The following UBAC2 variants were observed in gnomAD, a reference collection of about 807,000 sequenced individuals.
UBAC2 encodes UBA domain containing 2.
UBAC2 carries 26 observed loss-of-function variants against 44.0 expected under a neutral mutation model. That is an observed-to-expected ratio of 0.59 (90% confidence interval 0.43 to 0.82). The LOEUF (loss-of-function observed/expected upper bound fraction) is 0.82. Among genes scored for constraint, UBAC2 ranks in the 40% least tolerant of loss-of-function variants. The pLI, the probability that UBAC2 is intolerant of heterozygous loss-of-function variation, is 0.00. For synonymous variants in UBAC2, 155 were observed against 154.3 expected, an observed-to-expected ratio of 1.00 and a Z score of -0.04; for missense variants, 329 against 419.4, an observed-to-expected ratio of 0.78 and a Z score of 1.88.
intron 6 of UBAC2, among the ~76,000 whole-genome samples, chr13:99,329,928 A>G (rs910627440): frequency 1.3e-5 from 2 of 152,212 alleles, no homozygotes; most frequent in African/African-American, 4.8e-5. Context: ...TTGCTCAGTA[A>G]TCAACAGCTA....
intron 4 of UBAC2, among the ~76,000 whole-genome samples, chr13:99,247,331 C>T (rs991447546): frequency 6.6e-6 from 1 of 151,810 alleles, no homozygotes; most frequent in African/African-American, 2.4e-5. Context: ...TCTCCTGCCT[C>T]AGCCTCCCGA....
chr13:99,361,343 C>T (rs774278507), intron 7 of UBAC2, among the ~76,000 whole-genome samples: 4 of 152,192 alleles, frequency 2.6e-5, no homozygotes, highest in African/African-American at 4.8e-5. Flanking sequence ...TTTAACCCTA[C>T]GTAAAGAGCA....
chr13:99,217,959 C>T (rs1282451045), intron 1 of UBAC2, among the ~76,000 whole-genome samples: 2 of 152,152 alleles, frequency 1.3e-5, no homozygotes, highest in Admixed American at 6.5e-5. Flanking sequence ...CCACTAACCA[C>T]GCATTTCCCC....
chr13:99,350,213 A>G (rs545962112), intron 7 of UBAC2, among the ~76,000 whole-genome samples: 89 of 152,174 alleles, frequency 5.8e-4, no homozygotes, highest in Non-Finnish European at 8.7e-4. Flanking sequence ...CTCTTACTCT[A>G]TTTTCTTTTT....
chr13:99,346,171 C>T (rs989919303), intron 7 of UBAC2, among the ~76,000 whole-genome samples: 5 of 152,230 alleles, frequency 3.3e-5, no homozygotes, highest in African/African-American at 1.2e-4. Flanking sequence ...ACATCCATGT[C>T]CTTCCTGCCT....
intron 7 of UBAC2, among the ~76,000 whole-genome samples, chr13:99,340,833 C>G (rs1202178584): frequency 6.6e-6 from 1 of 152,192 alleles, no homozygotes; most frequent in Non-Finnish European, 1.5e-5. Flanking sequence ...TAGAGAAACA[C>G]CAACCTAGTT....
intron 6 of UBAC2, among the ~76,000 whole-genome samples, chr13:99,334,102 A>G (rs1252114395): frequency 6.6e-6 from 1 of 151,998 alleles, no homozygotes; most frequent in Non-Finnish European, 1.5e-5. Context: ...ATGCACCACC[A>G]TGCCCAGCTA....
intron 2 of UBAC2, among the ~76,000 whole-genome samples, chr13:99,242,748 C>G (rs1432112677): frequency 1.3e-5 from 2 of 149,496 alleles, no homozygotes; most frequent in Non-Finnish European, 3.0e-5. Context: ...CCACCTCTCT[C>G]CCGGACGGGG....
At chr13:99,263,194 A>C (rs1340964186) in intron 4 of UBAC2, among the ~76,000 whole-genome samples, 1 of 152,234 alleles carries the variant, frequency 6.6e-6, no homozygotes, top group Non-Finnish European at 1.5e-5. Flanking sequence ...TTTGACTTAT[A>C]GCAAACAATC....
chr13:99,291,542 C>T (rs2138707842), intron 4 of UBAC2, among the ~76,000 whole-genome samples: 1 of 152,336 alleles, frequency 6.6e-6, no homozygotes, highest in East Asian at 1.9e-4. Flanking sequence ...CAGTGCTTCC[C>T]CTTCTAAAAT....
rs76974202 is a variant in UBAC2 at position 99,207,518 on chromosome 13, A to G, written c.31+6579A>G. On this transcript the variant is annotated intron_variant, in intron 1 of 8. Coordinates refer to ENST00000403766, the MANE Select transcript of UBAC2 (RefSeq NM_001144072.2). Reference sequence around the variant, plus strand: ...TCCCTTCACTTTTTAGCCTTGTGCAATTAGTCTGCTACTCTTCGATGGCGG... The same window carrying G: ...TCCCTTCACTTTTTAGCCTTGTGCAGTTAGTCTGCTACTCTTCGATGGCGG... Among the ~76,000 whole-genome samples the G allele has an allele frequency of 5.6e-3, 849 of 152,154 alleles. 6 individuals are homozygous for G. Among genetic ancestry groups the G allele is most frequent in the African/African-American group, 0.016 (652 of 41,492 alleles).
intron 1 of UBAC2, among the ~76,000 whole-genome samples, chr13:99,223,365 T>G (rs2043072193): frequency 6.6e-6 from 1 of 152,178 alleles, no homozygotes; most frequent in Non-Finnish European, 1.5e-5. Context: ...TCTCTCTTTT[T>G]GTCCTGATCA....
chr13:99,247,120 GCCACTGCAC>G (rs2043393229), intron 4 of UBAC2, among the ~76,000 whole-genome samples: 1 of 152,052 alleles, frequency 6.6e-6, no homozygotes, highest in Admixed American at 6.5e-5. Flanking sequence ...GCAGGTGTGA[GCCACTGCAC>G]CCAGCCACAA....
chr13:99,234,088 GT>G (rs1274670984), intron 1 of UBAC2, among the ~76,000 whole-genome samples: 1 of 147,396 alleles, frequency 6.8e-6, no homozygotes, highest in Non-Finnish European at 1.5e-5. Flanking sequence ...AGGAAAGCAT[GT>G]TATTTCAGCG....
chr13:99,381,127 C>T (rs895897982), intron 8 of UBAC2, among the ~76,000 whole-genome samples: 3 of 152,244 alleles, frequency 2.0e-5, no homozygotes, highest in East Asian at 1.9e-4. Context: ...ATGTCACCTA[C>T]GTGACTTACA....
intron 6 of UBAC2, among the ~76,000 whole-genome samples, chr13:99,336,862 G>A (rs775581092): frequency 1.3e-5 from 2 of 151,886 alleles, no homozygotes; most frequent in Non-Finnish European, 2.9e-5. Flanking sequence ...AATCCACCAT[G>A]CAGGTACAGA....
intron 4 of UBAC2, among the ~76,000 whole-genome samples, chr13:99,296,471 G>A (rs1176025268): frequency 6.6e-6 from 1 of 152,192 alleles, no homozygotes; most frequent in African/African-American, 2.4e-5. Flanking sequence ...TGACAGAAGG[G>A]AATGCACTAA....
chr13:99,340,392 A>G lies in UBAC2; in HGVS notation c.634A>G (p.Lys212Glu), dbSNP rs1337059137. 1.2e-6 allele frequency: 2 copies of G among 1,614,088 alleles called. No individual in the cohort carries two copies. Among genetic ancestry groups the G allele is most frequent in the African/African-American group, 1.3e-5 (1 of 74,932 alleles). The change falls in exon 7 of 9, where the codon AAA becomes GAA. Residue 212 changes from lysine to glutamate, a missense_variant. Lys to Glu is a moderately conservative substitution (Grantham distance 56, BLOSUM62 1). Coordinates refer to ENST00000403766, the MANE Select transcript of UBAC2 (RefSeq NM_001144072.2). ...GCTCTGCATCCCCAGCTGGATGGCAAAATTCTTTTCTTGGACACTTGAACC... is the reference window on the plus strand; with the variant it reads ...GCTCTGCATCCCCAGCTGGATGGCAGAATTCTTTTCTTGGACACTTGAACC... The part of the protein sequence containing the change: ...QVLCIPSWMA[K>E]FFSWTLEPIF...
intron 1 of UBAC2, chr13:99,201,217 C>A: frequency 7.0e-7 from 1 of 1,426,532 alleles, no homozygotes; most frequent in Non-Finnish European, 9.2e-7. Flanking sequence ...GGGGCCGCTG[C>A]AAGTGGGCAG....
Sources: allele counts gnomAD v4.1 joint callset (sites outside exome capture counted in the v4.1 genomes callset), GRCh38; gene constraint gnomAD v4.1.1; transcripts MANE v1.5; gene names NCBI Gene and HGNC (gene_info 2026-07-23, HGNC 2026-07-21).